Variants in CNST observed in about 807,000 individuals in gnomAD.
The protein encoded by CNST is consortin, connexin sorting protein.
CNST carries 39 observed loss-of-function variants against 72.4 expected under a neutral mutation model. That is an observed-to-expected ratio of 0.54 (90% confidence interval 0.42 to 0.70). The LOEUF (loss-of-function observed/expected upper bound fraction) is 0.70. Among genes scored for constraint, CNST ranks in the 30% least tolerant of loss-of-function variants. CNST has a pLI of 0.00. For synonymous variants in CNST, 332 were observed against 320.1 expected (o/e 1.04, Z -0.40); for missense variants, 871 against 868.5 (o/e 1.00, Z -0.04).
chr1:246,588,077 TTTCTC>T (rs1346050729), intron 1 of CNST, among the ~76,000 whole-genome samples: 2 of 152,168 alleles, frequency 1.3e-5, no homozygotes, highest in African/African-American at 4.8e-5. Flanking sequence ...TAGCATAAAT[TTTCTC>T]TTCTGTGGCC....
chr1:246,568,669 G>A (rs959477664), intron 1 of CNST, among the ~76,000 whole-genome samples: 1 of 152,046 alleles, frequency 6.6e-6, no homozygotes, highest in African/African-American at 2.4e-5. Flanking sequence ...TCCGCTTTTC[G>A]GGTTCAAGCA....
intron 6 of CNST, among the ~76,000 whole-genome samples, chr1:246,639,977 C>T (rs1488522180): frequency 6.6e-6 from 1 of 152,246 alleles, no homozygotes; most frequent in East Asian, 1.9e-4. Flanking sequence ...AGCCCTCTTC[C>T]TGCTTCTGCT....
chr1:246,577,738 T>G (rs1020571640), intron 1 of CNST, among the ~76,000 whole-genome samples: 1 of 152,158 alleles, frequency 6.6e-6, no homozygotes, highest in Non-Finnish European at 1.5e-5. Context: ...GTGGAAAGGC[T>G]AGGTTAAAAT....
intron 2 of CNST, among the ~76,000 whole-genome samples, chr1:246,597,857 C>G (rs1170655376): frequency 6.6e-6 from 1 of 152,198 alleles, no homozygotes; most frequent in Non-Finnish European, 1.5e-5. Context: ...TCCTACATGT[C>G]TTGCAGGATT....
At chr1:246,617,069 T>C (rs1663758048) in intron 2 of CNST, among the ~76,000 whole-genome samples, 1 of 152,238 alleles carries the variant, frequency 6.6e-6, no homozygotes, top group Non-Finnish European at 1.5e-5. Flanking sequence ...ATTATGCTAA[T>C]GTTTATTTTC....
At chr1:246,656,194 C>G (rs1468226705) in intron 9 of CNST, among the ~76,000 whole-genome samples, 1 of 151,890 alleles carries the variant, frequency 6.6e-6, no homozygotes, top group African/African-American at 2.4e-5. Context: ...GACTTGGTAT[C>G]TGTTTTCTTC....
intron 6 of CNST, among the ~76,000 whole-genome samples, chr1:246,639,156 G>A (rs1462046581): frequency 2.0e-5 from 3 of 152,040 alleles, no homozygotes; most frequent in Non-Finnish European, 4.4e-5. Flanking sequence ...CCTTAGACTG[G>A]TTAGAACATG....
At chr1:246,592,041 C>T (rs998312612) in intron 2 of CNST, 100 bp downstream of exon 2, 14 of 945,356 alleles carry the variant, frequency 1.5e-5, no homozygotes, top group Non-Finnish European at 2.2e-5. Context: ...TGCTTCTTTG[C>T]TTACGATATT....
At chr1:246,627,656 C>G (rs1049859548) in intron 3 of CNST, among the ~76,000 whole-genome samples, 7 of 152,148 alleles carry the variant, frequency 4.6e-5, no homozygotes, top group African/African-American at 1.7e-4. Flanking sequence ...GCTTTTCTAT[C>G]ATTTTCCTGT....
chr1:246,630,281 T>A (rs937758819), intron 3 of CNST, among the ~76,000 whole-genome samples: 5 of 152,342 alleles, frequency 3.3e-5, no homozygotes, highest in Non-Finnish European at 7.4e-5. Context: ...GAAATTCTCA[T>A]TTTGTAAGCT....
At chr1:246,586,208 A>G (rs1661185980) in intron 1 of CNST, among the ~76,000 whole-genome samples, 1 of 147,042 alleles carries the variant, frequency 6.8e-6, no homozygotes, top group African/African-American at 2.5e-5. Flanking sequence ...TATCTTTATT[A>G]TATAGTATAT....
chr1:246,617,039 C>T (rs1435006433), intron 2 of CNST, among the ~76,000 whole-genome samples: 1 of 152,184 alleles, frequency 6.6e-6, no homozygotes, highest in Non-Finnish European at 1.5e-5. Context: ...ACTCACAGCA[C>T]ATCAGTCTAA....
At chr1:246,588,569 C>T (rs370333232) in intron 1 of CNST, among the ~76,000 whole-genome samples, 2 of 152,056 alleles carry the variant, frequency 1.3e-5, no homozygotes, top group East Asian at 1.9e-4. Context: ...ACAGCAGCAT[C>T]GTCCAATAGA....
intron 9 of CNST, among the ~76,000 whole-genome samples, chr1:246,649,349 T>C (rs1467829789): frequency 6.6e-6 from 1 of 152,210 alleles, no homozygotes; most frequent in Non-Finnish European, 1.5e-5. Context: ...TCATGTGATA[T>C]ATATTTTTCC....
At chr1:246,588,450 C>T (rs950845660) in intron 1 of CNST, among the ~76,000 whole-genome samples, 1 of 152,056 alleles carries the variant, frequency 6.6e-6, no homozygotes, top group Non-Finnish European at 1.5e-5. Context: ...ATATCTATAT[C>T]CAGGAAATAC....
chr1:246,661,952 T>C (rs973433957), intron 10 of CNST, among the ~76,000 whole-genome samples: 1 of 152,196 alleles, frequency 6.6e-6, no homozygotes, highest in Non-Finnish European at 1.5e-5. Flanking sequence ...TTTGCACTAA[T>C]TTGACCAAAT....
chr1:246,569,499 C>T (rs558927449), intron 1 of CNST, among the ~76,000 whole-genome samples: 1 of 152,274 alleles, frequency 6.6e-6, no homozygotes, highest in Non-Finnish European at 1.5e-5. Flanking sequence ...AACTCCTCTT[C>T]CTGAAGTACT....
intron 1 of CNST, among the ~76,000 whole-genome samples, chr1:246,582,355 GCT>G (rs1491281164): frequency 1.5e-5 from 2 of 130,962 alleles, no homozygotes; most frequent in African/African-American, 5.6e-5. Context: ...CCACCTCCAT[GCT>G]TTTTTTTTTT....
At chr1:246,644,060 G>A (rs1449381459) in intron 8 of CNST, among the ~76,000 whole-genome samples, 1 of 152,066 alleles carries the variant, frequency 6.6e-6, no homozygotes, top group African/African-American at 2.4e-5. Flanking sequence ...TCATAGAATG[G>A]CACCTCAGAC....
Sources: allele counts gnomAD v4.1 joint callset (sites outside exome capture counted in the v4.1 genomes callset), GRCh38; gene constraint gnomAD v4.1.1; transcripts MANE v1.5; gene names NCBI Gene and HGNC (gene_info 2026-07-23, HGNC 2026-07-21).